STPG2: variants seen among roughly 807,000 people sequenced by gnomAD.
The protein encoded by STPG2 is sperm tail PG-rich repeat containing 2.
A neutral mutation model predicts 54.2 loss-of-function variants in STPG2; 56 were observed. That is an observed-to-expected ratio of 1.03 (90% confidence interval 0.83 to 1.29). The LOEUF (loss-of-function observed/expected upper bound fraction) is 1.29. Ranked by LOEUF, STPG2 falls within the 50% of genes most tolerant of loss-of-function variation. STPG2 has a pLI of 0.00. For missense variants in STPG2, 596 were observed against 544.9 expected, an observed-to-expected ratio of 1.09 and a Z score of -0.93; for synonymous variants, 200 against 181.8, an observed-to-expected ratio of 1.10 and a Z score of -0.81.
chr4:97,948,946 TA>T (rs1733356364), intron 7 of STPG2, among the ~76,000 whole-genome samples: 1 of 151,956 alleles, frequency 6.6e-6, no homozygotes, highest in South Asian at 2.1e-4. Context: ...CTAGAGTGTT[TA>T]AGACCATTGT....
At chr4:97,708,875 A>G (rs921059265) in intron 10 of STPG2, among the ~76,000 whole-genome samples, 1 of 151,822 alleles carries the variant, frequency 6.6e-6, no homozygotes, top group Non-Finnish European at 1.5e-5. Context: ...GTAATCTGCT[A>G]ACAAAAGGAT....
chr4:97,735,930 A>T (rs993181766), intron 9 of STPG2, among the ~76,000 whole-genome samples: 1 of 152,158 alleles, frequency 6.6e-6, no homozygotes, highest in Non-Finnish European at 1.5e-5. Context: ...TGGCCAATGG[A>T]TATATAAGAA....
At chr4:97,693,157 T>C (rs558799553) in intron 10 of STPG2, among the ~76,000 whole-genome samples, 1 of 147,646 alleles carries the variant, frequency 6.8e-6, no homozygotes, top group South Asian at 2.1e-4. Context: ...AAAAGAAAGG[T>C]ATTCAGGCAA....
At chr4:98,017,003 T>C (rs1014728344) in intron 5 of STPG2, among the ~76,000 whole-genome samples, 3 of 152,076 alleles carry the variant, frequency 2.0e-5, no homozygotes, top group African/African-American at 7.2e-5. Flanking sequence ...GAATCCTTGG[T>C]CAGGTTGGCC....
In STPG2 at chr4:97,805,592, T is replaced by C. The variant is rs1179414374; in HGVS notation, c.1204+35181A>G. 3.9e-5 allele frequency among the ~76,000 whole-genome samples: 6 copies of C among 152,324 alleles called. No individual in the cohort carries two copies. In the South Asian group the frequency reaches 1.2e-3, roughly 32 times the overall value. On this transcript the variant is annotated intron_variant, in intron 9 of 10. Coordinates refer to ENST00000295268, the MANE Select transcript of STPG2 (RefSeq NM_174952.3). ...TTTAGAGAAGTGTCTGTTCATGTCC[T>C]TTCCCCACTTAAGAATGGGGTTATT...
intron 8 of STPG2, among the ~76,000 whole-genome samples, chr4:97,922,465 T>A (rs1039646778): frequency 9.9e-5 from 15 of 152,222 alleles, no homozygotes; most frequent in African/African-American, 3.6e-4. Context: ...CTCCTCATTT[T>A]GAAGAAACTG....
intron 9 of STPG2, among the ~76,000 whole-genome samples, chr4:97,789,002 A>G (rs1008606935): frequency 6.6e-6 from 1 of 151,878 alleles, no homozygotes; most frequent in Non-Finnish European, 1.5e-5. Flanking sequence ...TTGGGTTTCA[A>G]ACTTTTTTTT....
intron 9 of STPG2, among the ~76,000 whole-genome samples, chr4:97,736,744 G>A (rs1432780119): frequency 1.3e-5 from 2 of 152,170 alleles, no homozygotes; most frequent in African/African-American, 2.4e-5. Context: ...AGCTCAAGGA[G>A]GCCTGCCTGC....
intron 10 of STPG2, among the ~76,000 whole-genome samples, chr4:97,620,576 A>C (rs781534769): frequency 2.0e-5 from 3 of 152,312 alleles, no homozygotes; most frequent in Non-Finnish European, 4.4e-5. Context: ...AAAGAGTTCA[A>C]TTCAATAAGA....
intron 10 of STPG2, among the ~76,000 whole-genome samples, chr4:97,697,948 T>G (rs547056506): frequency 6.6e-6 from 1 of 152,342 alleles, no homozygotes; most frequent in Admixed American, 6.5e-5. Context: ...ATAGAAACAA[T>G]GCTTATCACT....
intron 4 of STPG2, among the ~76,000 whole-genome samples, chr4:98,108,706 TA>T (rs1424155489): frequency 6.6e-6 from 1 of 152,178 alleles, no homozygotes; most frequent in Non-Finnish European, 1.5e-5. Flanking sequence ...CTCTGCCATT[TA>T]ATAGCTGCAT....
chr4:98,020,222 C>T (rs1419050546), intron 5 of STPG2, among the ~76,000 whole-genome samples: 1 of 131,792 alleles, frequency 7.6e-6, no homozygotes, highest in East Asian at 2.1e-4. Context: ...GAGTTTTTAG[C>T]ATGAAGGGTT....
At chr4:97,856,475 G>C (rs1039630096) in intron 8 of STPG2, among the ~76,000 whole-genome samples, 1 of 152,156 alleles carries the variant, frequency 6.6e-6, no homozygotes, top group African/African-American at 2.4e-5. Flanking sequence ...TGTTGTTGGT[G>C]TATAGGAATG....
At chr4:98,104,433 A>G (rs1193263693) in intron 5 of STPG2, among the ~76,000 whole-genome samples, 1 of 152,120 alleles carries the variant, frequency 6.6e-6, no homozygotes, top group Non-Finnish European at 1.5e-5. Flanking sequence ...TCTTTTTACT[A>G]TGTATAAGGT....
At chr4:97,856,995 C>A (rs560030846) in intron 8 of STPG2, among the ~76,000 whole-genome samples, 4 of 152,140 alleles carry the variant, frequency 2.6e-5, no homozygotes, top group Admixed American at 1.3e-4. Context: ...ATCCTGCATC[C>A]CAGAAATGAA....
At chr4:97,852,003 G>C (rs1032382163) in intron 8 of STPG2, among the ~76,000 whole-genome samples, 2 of 152,070 alleles carry the variant, frequency 1.3e-5, no homozygotes. Flanking sequence ...TCTACTTTTA[G>C]TCTAAAAGTT....
intron 9 of STPG2, among the ~76,000 whole-genome samples, chr4:97,766,582 T>C (rs1481954286): frequency 6.6e-6 from 1 of 152,104 alleles, no homozygotes; most frequent in African/African-American, 2.4e-5. Flanking sequence ...ATTTGAGTAA[T>C]ATTAATTTTT....
At chr4:97,867,010 T>C (rs1729811847) in intron 8 of STPG2, among the ~76,000 whole-genome samples, 1 of 151,826 alleles carries the variant, frequency 6.6e-6, no homozygotes, top group African/African-American at 2.4e-5. Flanking sequence ...AAGTAAATAA[T>C]TAATTGTGCA....
chr4:97,870,968 C>G (rs923402324), intron 8 of STPG2, among the ~76,000 whole-genome samples: 1 of 150,696 alleles, frequency 6.6e-6, no homozygotes, highest in Non-Finnish European at 1.5e-5. Context: ...AATGACACTT[C>G]CTGATCATAA....
Sources: allele counts gnomAD v4.1 joint callset (sites outside exome capture counted in the v4.1 genomes callset), GRCh38; gene constraint gnomAD v4.1.1; transcripts MANE v1.5; gene names NCBI Gene and HGNC (gene_info 2026-07-23, HGNC 2026-07-21).